Variants in PSD3 observed in about 807,000 individuals in gnomAD.
PSD3 encodes pleckstrin and Sec7 domain containing 3.
A neutral mutation model predicts 105.5 loss-of-function variants in PSD3; 49 were observed. That is an observed-to-expected ratio of 0.46 (90% CI 0.37 to 0.59). The LOEUF is 0.59. Among genes scored for constraint, PSD3 ranks in the 20% least tolerant of loss-of-function variants. The pLI is 0.00. For missense variants in PSD3, 1,561 were observed against 1,263.8 expected (o/e 1.24, Z -3.57); for synonymous variants, 557 against 457.8 (o/e 1.22, Z -2.77).
chr8:18,900,643 CT>C (rs34004085), intron 2 of PSD3, among the ~76,000 whole-genome samples: 27,013 of 84,572 alleles, frequency 0.32, 2,102 homozygotes, highest in Middle Eastern at 0.4. Flanking sequence ...AGAGACAACT[CT>C]TTTTTTTTTT....
At chr8:18,836,812 G>A (rs1201503380) in intron 4 of PSD3, among the ~76,000 whole-genome samples, 1 of 152,108 alleles carries the variant, frequency 6.6e-6, no homozygotes, top group Non-Finnish European at 1.5e-5. Context: ...AAAGGTCTGT[G>A]CATGTTTAGG....
Position 18,530,760 on chromosome 8 carries a change from C to G in PSD3, c.*4983G>C, listed in dbSNP as rs1799602436. The G allele has an allele frequency of 6.6e-6, 1 of 151,156 alleles. No homozygotes were observed. The highest frequency in any genetic ancestry group is 2.4e-5 in the African/African-American group (1 of 41,060). 9.4% of individuals were successfully genotyped at this position (151,156 alleles called of 1,614,324 possible). ...TATGCCCTTGGTATTGCACACAGTA[C>G]ACTGCAAAAGATTCACAAGGTTAGT... is the stretch of plus-strand genomic sequence containing the variant. On this transcript the variant is annotated 3_prime_UTR_variant, in exon 16 of 16. Transcript: ENST00000327040.
At chr8:18,635,748 G>T (rs182866977) in intron 10 of PSD3, among the ~76,000 whole-genome samples, 1 of 152,074 alleles carries the variant, frequency 6.6e-6, no homozygotes, top group Non-Finnish European at 1.5e-5. Flanking sequence ...CATGGATGAA[G>T]CTGGAAACCA....
intron 9 of PSD3, among the ~76,000 whole-genome samples, chr8:18,661,808 C>T (rs73589463): frequency 0.057 from 8,678 of 152,190 alleles, 362 homozygotes; most frequent in East Asian, 0.21. Context: ...GGGAGAAGTA[C>T]ATACAGAAGA....
chr8:18,716,433 C>A (rs1802605060), intron 9 of PSD3, among the ~76,000 whole-genome samples: 1 of 152,030 alleles, frequency 6.6e-6, no homozygotes, highest in Admixed American at 6.6e-5. Context: ...TAATGAGGAG[C>A]CAATGAAAGG....
intron 11 of PSD3, 49 bp downstream of exon 11, chr8:18,632,564 C>T (rs1260718933): frequency 6.5e-7 from 1 of 1,538,514 alleles, no homozygotes; most frequent in Non-Finnish European, 8.8e-7. Flanking sequence ...AAATTTTGAG[C>T]ATAAAGATAA....
chr8:18,572,175 T>C (rs1802184117), intron 14 of PSD3, among the ~76,000 whole-genome samples: 1 of 152,182 alleles, frequency 6.6e-6, no homozygotes, highest in Non-Finnish European at 1.5e-5. Context: ...TGGTAAATGC[T>C]CAATAAAAAT....
intron 4 of PSD3, among the ~76,000 whole-genome samples, chr8:18,843,253 C>A (rs1047780806): frequency 6.7e-6 from 1 of 149,458 alleles, no homozygotes; most frequent in Non-Finnish European, 1.5e-5. Flanking sequence ...CCCAGCTATT[C>A]GGGAGGCTGA....
At chr8:18,711,183 C>T (rs762733354) in intron 9 of PSD3, among the ~76,000 whole-genome samples, 4 of 152,152 alleles carry the variant, frequency 2.6e-5, no homozygotes, top group Non-Finnish European at 5.9e-5. Context: ...ACTACAAAAA[C>T]ATACTGAAGT....
At chr8:18,759,227 A>C (rs1806314211) in intron 9 of PSD3, among the ~76,000 whole-genome samples, 1 of 152,108 alleles carries the variant, frequency 6.6e-6, no homozygotes, top group African/African-American at 2.4e-5. Flanking sequence ...AAATTTAAAG[A>C]ATATTCTAAT....
intron 13 of PSD3, among the ~76,000 whole-genome samples, chr8:18,573,705 A>G (rs548320827): frequency 6.6e-6 from 1 of 152,314 alleles, no homozygotes; most frequent in Admixed American, 6.5e-5. Context: ...ACCACATCAT[A>G]TATTAGTCTG....
At chr8:18,813,970 C>G (rs537750690) in intron 4 of PSD3, among the ~76,000 whole-genome samples, 1 of 152,282 alleles carries the variant, frequency 6.6e-6, no homozygotes, top group South Asian at 2.1e-4. Context: ...TAATACATGA[C>G]AGCACTTTAT....
At chr8:18,801,629 A>T (rs1810698893) in intron 6 of PSD3, among the ~76,000 whole-genome samples, 1 of 152,148 alleles carries the variant, frequency 6.6e-6, no homozygotes, top group Non-Finnish European at 1.5e-5. Context: ...CAGGGGTTCA[A>T]AACCAGCCTG....
chr8:18,568,706 CTTT>C lies in PSD3; in HGVS notation c.2784+3819_2784+3821del, dbSNP rs10592904. On this transcript the variant is annotated intron_variant, in intron 14 of 15. Coordinates refer to ENST00000327040, the MANE Select transcript of PSD3 (RefSeq NM_015310.4). ...CTGCTTCTAGTAGTACCTTCTTCTT[CTTT>C]TTTTTTTTTATTATACTTTAAGTTT... is the stretch of plus-strand genomic sequence containing the variant. Among the ~76,000 whole-genome samples, 52 of 150,642 alleles carry C rather than the reference CTTT, an allele frequency of 3.5e-4. No homozygotes were observed. In the East Asian group the frequency reaches 3.7e-3, roughly 11 times the overall value.
At position 18,871,733 on chromosome 8, in the gene PSD3, C is replaced by G. The variant is rs777498673; in HGVS notation, c.1131G>C (p.Gly377=). 6.2e-7 allele frequency: 1 copy of G among 1,614,142 alleles called. No homozygotes were observed. The highest frequency in any genetic ancestry group is 8.5e-7 in the Non-Finnish European group (1 of 1,180,006). Reference sequence around the variant, plus strand: ...CATCAAGACGCACAGGGGAAAATGTCCCCGAGCTAGTGCCAGGCCTCTCTG... The same window carrying G: ...CATCAAGACGCACAGGGGAAAATGTGCCCGAGCTAGTGCCAGGCCTCTCTG... ...APSERPGTSS[G]TFSPVRLDES... is the part of the protein sequence containing the mutation. Residue 377 remains glycine, a synonymous_variant, in exon 3 of 16, where the codon GGG becomes GGC. Coordinates refer to ENST00000327040, the MANE Select transcript of PSD3 (RefSeq NM_015310.4).
chr8:18,876,011 C>G (rs1817713629), intron 2 of PSD3, among the ~76,000 whole-genome samples: 1 of 152,168 alleles, frequency 6.6e-6, no homozygotes, highest in Non-Finnish European at 1.5e-5. Flanking sequence ...CATTTGGGGT[C>G]TGACTTCTTT....
chr8:18,672,420 C>T (rs1314315398), intron 9 of PSD3, among the ~76,000 whole-genome samples: 1 of 152,070 alleles, frequency 6.6e-6, no homozygotes, highest in South Asian at 2.1e-4. Flanking sequence ...CTGTCATTTC[C>T]ATGCATTAGA....
Position 19,052,248 on chromosome 8 carries a change from C to T in PSD3, c.324+31958G>A, listed in dbSNP as rs544855949. Among the ~76,000 whole-genome samples the T allele has an allele frequency of 5.3e-5, 8 of 152,092 alleles. No individual in the cohort carries two copies. The East Asian group carries it at 1.2e-3, about 22-fold the overall frequency. On this transcript the variant is annotated intron_variant, in intron 1 of 1. Coordinates refer to the PSD3 transcript ENST00000521475. ...CAGCACTTTGGGAGGCCGGGGTGGG[C>T]GGATCCCAAGGTCAGGAGATTGAGA...
chr8:18,758,416 T>TC (rs1414681613), intron 9 of PSD3, among the ~76,000 whole-genome samples: 5 of 135,616 alleles, frequency 3.7e-5, no homozygotes, highest in African/African-American at 1.4e-4. Context: ...GTTTTACTCT[T>TC]TTTTTTTTTT....
Sources: gnomAD v4.1 joint callset for allele counts (sites outside exome capture counted in the v4.1 genomes callset) on GRCh38, gnomAD v4.1.1 for gene constraint, MANE v1.5 for transcripts, NCBI Gene and HGNC (gene_info 2026-07-23, HGNC 2026-07-21) for gene names.